The following DPP10 variants were observed in gnomAD, a reference collection of about 807,000 sequenced individuals.
DPP10 encodes dipeptidyl peptidase like 10.
DPP10 carries 33 observed loss-of-function variants against 120.9 expected under a neutral mutation model. The ratio of observed to expected loss-of-function variants is 0.27; its 90% CI spans 0.21 to 0.37. The LOEUF is 0.37. DPP10 is among the 10% of genes least tolerant of loss of function. The pLI is 1.00. For synonymous variants in DPP10, 337 were observed against 326.1 expected (o/e 1.03, Z -0.36); for missense variants, 816 against 942.8 (o/e 0.87, Z 1.76).
rs573044428 is a variant in DPP10 at position 114,522,146 on chromosome 2, A to AT, written c.60+79319dup. On this transcript the variant is annotated intron_variant, in intron 1 of 25. Coordinates refer to ENST00000410059, the MANE Select transcript of DPP10 (RefSeq NM_020868.6). ...AGGCGCCCGCCACTACACCCGGCTA[A>AT]TTTTTTTTTTTGTATTTTTAGTAGA... Among the ~76,000 whole-genome samples, 1,134 of 144,286 alleles carry AT rather than the reference A, an allele frequency of 7.9e-3. 9 individuals carry two copies. The highest frequency in any genetic ancestry group is 0.027 in the African/African-American group (1,055 of 39,294). The allele number at this position is 144,286 out of a possible 152,430, so 94.7% of individuals were successfully genotyped here.
intron 1 of DPP10, among the ~76,000 whole-genome samples, chr2:115,132,627 G>A (rs2050419208): frequency 6.6e-6 from 1 of 152,032 alleles, no homozygotes; most frequent in Non-Finnish European, 1.5e-5. Context: ...TGTCACTTAT[G>A]CCTAAGCTCC....
At chr2:115,647,019 C>T (rs952029434) in intron 5 of DPP10, among the ~76,000 whole-genome samples, 6 of 152,094 alleles carry the variant, frequency 3.9e-5, no homozygotes, top group Admixed American at 2.6e-4. Flanking sequence ...AAAAATAGTT[C>T]TCATCACATT....
intron 1 of DPP10, among the ~76,000 whole-genome samples, chr2:114,975,153 C>T (rs1383981754): frequency 9.2e-5 from 14 of 151,520 alleles, no homozygotes. Context: ...TCAAGCGATT[C>T]TCCTGCCTCA....
chr2:115,741,478 T>C (rs940879261), intron 9 of DPP10, among the ~76,000 whole-genome samples: 1 of 151,938 alleles, frequency 6.6e-6, no homozygotes, highest in African/African-American at 2.4e-5. Context: ...ACCAGCACTA[T>C]TTTTTCCCCC....
chr2:115,073,670 A>G lies in DPP10; in HGVS notation c.61-235569A>G, dbSNP rs75660397. Among the ~76,000 whole-genome samples the G allele has an allele frequency of 1.4e-3, 211 of 152,384 alleles. 1 individual carries two copies. Among genetic ancestry groups the G allele is most frequent in the African/African-American group, 5.0e-3 (206 of 41,596 alleles). On this transcript the variant is annotated intron_variant, in intron 1 of 25. Transcript: ENST00000410059. Reference sequence around the variant, plus strand: ...TTGAACTGAAGTCTTGGCTCTGGCCATTTACTACTGAGATACTTAGGTAAA... The same window carrying G: ...TTGAACTGAAGTCTTGGCTCTGGCCGTTTACTACTGAGATACTTAGGTAAA...
At chr2:114,697,577 C>T (rs114984193) in intron 1 of DPP10, among the ~76,000 whole-genome samples, 2,673 of 151,734 alleles carry the variant, frequency 0.018, 83 homozygotes, top group African/African-American at 0.061. Context: ...GATGAAACCC[C>T]GTCTCTACCA....
chr2:115,431,331 C>T (rs781496739), intron 3 of DPP10, among the ~76,000 whole-genome samples: 6 of 151,994 alleles, frequency 3.9e-5, no homozygotes, highest in Admixed American at 6.6e-5. Context: ...GAGTAGACGA[C>T]GAAGTGAAAG....
intron 1 of DPP10, among the ~76,000 whole-genome samples, chr2:115,100,083 A>G (rs1046647318): frequency 2.0e-5 from 3 of 152,166 alleles, no homozygotes; most frequent in African/African-American, 7.2e-5. Flanking sequence ...AATATTTAAT[A>G]CAATGAACGT....
At chr2:115,425,001 G>T (rs1020615210) in intron 3 of DPP10, among the ~76,000 whole-genome samples, 1 of 152,102 alleles carries the variant, frequency 6.6e-6, no homozygotes, top group East Asian at 1.9e-4. Context: ...AAGTAGAATC[G>T]TTGGGGAATG....
At chr2:114,833,317 G>A (rs575997726) in intron 1 of DPP10, 6 of 150,776 alleles carry the variant, frequency 4.0e-5, no homozygotes, top group Non-Finnish European at 5.9e-5. Context: ...GCAAAAAAAT[G>A]TACTCACTTG....
rs1361044413 is a variant in DPP10 at position 115,437,466 on chromosome 2, G to A, written c.272-62044G>A. On this transcript the variant is annotated intron_variant, in intron 3 of 25. Transcript: ENST00000410059. ...TATGAGGATGAAGTGGAGTGAAAAT[G>A]ATTAAAAGAGGAACTTGCTAGAAGT... Among the ~76,000 whole-genome samples the A allele has an allele frequency of 5.3e-5, 8 of 151,986 alleles. 1 individual carries two copies. The South Asian group carries it at 1.2e-3, about 24-fold the overall frequency.
chr2:115,062,243 A>G (rs185543593), intron 1 of DPP10, among the ~76,000 whole-genome samples: 149 of 151,934 alleles, frequency 9.8e-4, no homozygotes, highest in African/African-American at 3.4e-3. Context: ...TCTAATGTCA[A>G]ATAAATTTTG....
chr2:115,218,142 C>T (rs2056939535), intron 1 of DPP10, among the ~76,000 whole-genome samples: 1 of 152,138 alleles, frequency 6.6e-6, no homozygotes, highest in African/African-American at 2.4e-5. Context: ...ATAGACTGTA[C>T]ATTCTCAATA....
intron 5 of DPP10, among the ~76,000 whole-genome samples, chr2:115,664,020 T>C (rs981315466): frequency 1.4e-5 from 2 of 145,880 alleles, no homozygotes; most frequent in Non-Finnish European, 3.0e-5. Flanking sequence ...AATAATAATA[T>C]TACATACATA....
At chr2:115,052,739 G>A (rs1457392775) in intron 1 of DPP10, among the ~76,000 whole-genome samples, 2 of 152,108 alleles carry the variant, frequency 1.3e-5, no homozygotes, top group African/African-American at 2.4e-5. Context: ...ATCACTTGAG[G>A]TCAGGAGTTC....
At chr2:115,468,946 T>C (rs1003237851) in intron 3 of DPP10, 3 of 241,996 alleles carry the variant, frequency 1.2e-5, no homozygotes, top group Non-Finnish European at 2.4e-5. Flanking sequence ...TAAGCTGTTC[T>C]TTCATAGATA....
chr2:115,401,852 C>T (rs1036256815), intron 3 of DPP10, among the ~76,000 whole-genome samples: 2 of 150,768 alleles, frequency 1.3e-5, no homozygotes, highest in African/African-American at 4.9e-5. Flanking sequence ...AGTATTGAGT[C>T]AATAGATATT....
chr2:115,249,736 T>A (rs1044808615), intron 1 of DPP10, among the ~76,000 whole-genome samples: 8 of 152,142 alleles, frequency 5.3e-5, no homozygotes, highest in African/African-American at 1.9e-4. Context: ...TAAGGGAACT[T>A]TGATTTTCTT....
chr2:115,617,297 T>C lies in DPP10; in HGVS notation c.442-72390T>C, dbSNP rs1306361744. ...TTATATATATATATATATACACACA[T>C]AGCATATATGTATATGCTATGAATA... On this transcript the variant is annotated intron_variant, in intron 5 of 25. Coordinates refer to ENST00000410059, the MANE Select transcript of DPP10 (RefSeq NM_020868.6). Among the ~76,000 whole-genome samples, 10 of 136,946 alleles carry C rather than the reference T, an allele frequency of 7.3e-5. No individual in the cohort carries two copies. The East Asian group carries it at 1.3e-3, about 17-fold the overall frequency. 89.8% of individuals were successfully genotyped at this position (136,946 alleles called of 152,430 possible).
Sources: allele counts gnomAD v4.1 joint callset (sites outside exome capture counted in the v4.1 genomes callset), GRCh38; gene constraint gnomAD v4.1.1; transcripts MANE v1.5; gene names NCBI Gene and HGNC (gene_info 2026-07-23, HGNC 2026-07-21).